The following TSPAN9 variants were observed in gnomAD, a reference collection of about 807,000 sequenced individuals.
TSPAN9 encodes tetraspanin 9.
Under a neutral mutation model 31.0 loss-of-function variants are expected in TSPAN9, and 16 were observed. That is an observed-to-expected ratio of 0.52 (90% CI 0.35 to 0.78). The LOEUF is 0.78. Among genes scored for constraint, TSPAN9 ranks in the 30% least tolerant of loss-of-function variants. The pLI, the probability that TSPAN9 is intolerant of heterozygous loss-of-function variation, is 0.01. For synonymous variants in TSPAN9, 145 were observed against 121.6 expected, an observed-to-expected ratio of 1.19 and a Z score of -1.27; for missense variants, 272 against 312.5, an observed-to-expected ratio of 0.87 and a Z score of 0.98.
intron 3 of TSPAN9, among the ~76,000 whole-genome samples, chr12:3,264,773 T>C (rs992030310): frequency 2.0e-5 from 3 of 152,238 alleles, no homozygotes; most frequent in Non-Finnish European, 4.4e-5. Context: ...AAGTTTATTT[T>C]CATGAACCTC....
intron 3 of TSPAN9, among the ~76,000 whole-genome samples, chr12:3,234,522 T>C (rs1374010807): frequency 6.6e-6 from 1 of 152,216 alleles, no homozygotes; most frequent in African/African-American, 2.4e-5. Flanking sequence ...CAGGCTACTT[T>C]ATCATCTTTC....
At chr12:3,263,589 C>T (rs1256410717) in intron 3 of TSPAN9, among the ~76,000 whole-genome samples, 7 of 152,238 alleles carry the variant, frequency 4.6e-5, no homozygotes, top group Admixed American at 6.5e-5. Flanking sequence ...TCCCACTTCC[C>T]TCCTTCACTC....
chr12:3,198,762 C>T (rs763926213), intron 2 of TSPAN9, among the ~76,000 whole-genome samples: 18 of 86,266 alleles, frequency 2.1e-4, no homozygotes, highest in Non-Finnish European at 4.2e-4. Flanking sequence ...CAGCTCACCA[C>T]CAGCACAGGC....
At chr12:3,133,272 G>A (rs746724682) in intron 2 of TSPAN9, among the ~76,000 whole-genome samples, 24 of 152,158 alleles carry the variant, frequency 1.6e-4, no homozygotes, top group Non-Finnish European at 2.6e-4. Context: ...CTCTGTCCCG[G>A]GAGGCCTGGT....
In TSPAN9 at chr12:3,280,804, TAGG is replaced by T. The variant is rs1403932069; in HGVS notation, c.432+327_432+329del. On this transcript the variant is annotated intron_variant, in intron 6 of 8. Transcript: ENST00000011898. This position sits in a 1 kb window ranked among gnomAD's most constrained non-coding sequence, Gnocchi z 4.5. ...GGCTTAGGTGAGGAGGCCCTGGCTCTAGGAGGAGAACAAGTCCATAGTCCCAGA... is the reference window on the plus strand; with the variant it reads ...GGCTTAGGTGAGGAGGCCCTGGCTCTAGGAGAACAAGTCCATAGTCCCAGA... 3.9e-5 allele frequency among the ~76,000 whole-genome samples: 6 copies of T among 152,078 alleles called. No homozygotes were observed. The highest frequency in any genetic ancestry group is 1.4e-4 in the African/African-American group (6 of 41,406).
intron 2 of TSPAN9, among the ~76,000 whole-genome samples, chr12:3,085,971 C>T (rs1005202126): frequency 6.6e-6 from 1 of 152,206 alleles, no homozygotes; most frequent in Non-Finnish European, 1.5e-5. Flanking sequence ...GGTCCTACTG[C>T]CTGACTTCTG....
chr12:3,155,924 C>T (rs755236702), intron 2 of TSPAN9, among the ~76,000 whole-genome samples: 16 of 152,170 alleles, frequency 1.1e-4, no homozygotes, highest in South Asian at 2.1e-4. Context: ...TTCAGGACGC[C>T]GAAAGGACTT....
chr12:3,215,266 C>A (rs1380018445), intron 3 of TSPAN9: 1 of 152,280 alleles, frequency 6.6e-6, no homozygotes, highest in East Asian at 1.9e-4. Flanking sequence ...ACCAGCGCCG[C>A]AGGCCATAGC....
At chr12:3,254,077 G>A (rs181171124) in intron 3 of TSPAN9, among the ~76,000 whole-genome samples, 1 of 152,314 alleles carries the variant, frequency 6.6e-6, no homozygotes, top group Non-Finnish European at 1.5e-5. Context: ...CACCTCCTGT[G>A]ACTGGTGTGA....
intron 3 of TSPAN9, among the ~76,000 whole-genome samples, chr12:3,253,035 T>C (rs1406200043): frequency 6.6e-6 from 1 of 151,608 alleles, no homozygotes; most frequent in Non-Finnish European, 1.5e-5. Flanking sequence ...TGCACCGCCC[T>C]GTTTACTCTC....
In TSPAN9 at chr12:3,140,553, A is replaced by G. The variant is rs373338215; in HGVS notation, c.-18+56834A>G. 1.5e-4 allele frequency among the ~76,000 whole-genome samples: 23 copies of G among 152,272 alleles called. No homozygotes were observed. In the East Asian group the frequency reaches 2.7e-3, roughly 18 times the overall value. ...TGCAGGGAAGTTCAGAGGGTTTCTTAGGAGCAGCTGAAGGGATTTTTAGAT... is the reference window on the plus strand; with the variant it reads ...TGCAGGGAAGTTCAGAGGGTTTCTTGGGAGCAGCTGAAGGGATTTTTAGAT... On this transcript the variant is annotated intron_variant, in intron 2 of 8. Transcript: ENST00000011898.
At chr12:3,142,573 C>T (rs1175811412) in intron 2 of TSPAN9, among the ~76,000 whole-genome samples, 3 of 152,170 alleles carry the variant, frequency 2.0e-5, no homozygotes, top group Non-Finnish European at 2.9e-5. Flanking sequence ...TTGTGAAAAT[C>T]CGATCCGAGG....
rs2098335806 is a variant in TSPAN9 at position 3,143,458 on chromosome 12, A to T, written c.-17-57719A>T. Among the ~76,000 whole-genome samples the T allele has an allele frequency of 1.3e-5, 2 of 151,534 alleles. No individual in the cohort carries two copies. The highest frequency in any genetic ancestry group is 2.9e-5 in the Non-Finnish European group (2 of 67,932). On this transcript the variant is annotated intron_variant, in intron 2 of 8. Transcript: ENST00000011898. This position sits in a 1 kb window ranked among gnomAD's most constrained non-coding sequence, Gnocchi z 4.2. Reference sequence around the variant, plus strand: ...CTAATGGTAATTTTCTGTTTCCCTCATTTCTTCTGCATTTATTAATTGGAA... The same window carrying T: ...CTAATGGTAATTTTCTGTTTCCCTCTTTTCTTCTGCATTTATTAATTGGAA...
intron 2 of TSPAN9, among the ~76,000 whole-genome samples, chr12:3,118,513 G>C (rs2098323637): frequency 6.6e-6 from 1 of 151,836 alleles, no homozygotes; most frequent in African/African-American, 2.4e-5. Flanking sequence ...CGACCGCCTT[G>C]GCCTCCCAAA....
chr12:3,105,982 G>A (rs1270703234), intron 2 of TSPAN9, among the ~76,000 whole-genome samples: 6 of 151,828 alleles, frequency 4.0e-5, no homozygotes, highest in Non-Finnish European at 7.4e-5. Context: ...TATGTGCAGC[G>A]CACACTCAGT....
At chr12:3,105,660 C>T (rs2098313958) in intron 2 of TSPAN9, among the ~76,000 whole-genome samples, 1 of 152,014 alleles carries the variant, frequency 6.6e-6, no homozygotes, top group Non-Finnish European at 1.5e-5. Flanking sequence ...GTGAGGGTCC[C>T]TGCCCTACCT....
chr12:3,150,946 C>T (rs2098339431), intron 2 of TSPAN9: 1 of 152,262 alleles, frequency 6.6e-6, no homozygotes, highest in East Asian at 1.9e-4. Context: ...TAAACTCTGT[C>T]AACATTTTTT....
At chr12:3,252,243 C>T (rs768244226) in intron 3 of TSPAN9, among the ~76,000 whole-genome samples, 5 of 152,206 alleles carry the variant, frequency 3.3e-5, no homozygotes, top group African/African-American at 1.2e-4. Flanking sequence ...GATTTCCACA[C>T]TCCCTGGTGC....
intron 2 of TSPAN9, among the ~76,000 whole-genome samples, chr12:3,101,120 T>A (rs12423532): frequency 0.02 from 3,064 of 152,254 alleles, 222 homozygotes; most frequent in Admixed American, 0.13. Flanking sequence ...TCCATAGGAA[T>A]TGGATGAAGG....
Sources: allele counts gnomAD v4.1 joint callset (sites outside exome capture counted in the v4.1 genomes callset), GRCh38; gene constraint gnomAD v4.1.1; non-coding constraint Gnocchi (gnomAD v3.1); transcripts MANE v1.5; gene names NCBI Gene and HGNC (gene_info 2026-07-23, HGNC 2026-07-21).